Variants in STS observed in about 807,000 individuals in gnomAD.
STS encodes the protein steroid sulfatase, also known as steryl-sulfatase.
Under a neutral mutation model 26.8 loss-of-function variants are expected in STS, and 7 were observed. The observed-to-expected ratio is 0.26, with a 90% CI of 0.15 to 0.49. The LOEUF is 0.49. Among genes scored for constraint, STS ranks in the 20% least tolerant of loss-of-function variants. STS has a pLI of 0.98. For synonymous variants in STS, 199 were observed against 189.4 expected, an observed-to-expected ratio of 1.05 and a Z score of -0.42; for missense variants, 434 against 465.6, an observed-to-expected ratio of 0.93 and a Z score of 0.63.
At position 7,257,525 on chromosome X, in the gene STS, C is replaced by G; in HGVS notation, c.319C>G (p.Pro107Ala). The change falls in exon 5 of 11, where the codon CCC becomes GCC. Residue 107 changes from proline (P) to alanine (A), a missense_variant. Physicochemically the swap from Pro to Ala is conservative, Grantham distance 27. Transcript: ENST00000674429. ...FLFTASSGGL[P>A]TDEITFAKLL... is the part of the protein sequence containing the mutation. ...CTTCACAGCCTCTTCGGGAGGACTT[C>G]CCACCGATGAGATTACCTTTGCTAA... is the stretch of plus-strand genomic sequence containing the variant. 1.7e-6 allele frequency: 2 copies of G among 1,211,658 alleles called. No individual in the cohort carries two copies. The highest frequency in any genetic ancestry group is 2.2e-6 in the Non-Finnish European group (2 of 895,331).
intron 7 of STS, among the ~76,000 whole-genome samples, chrX:7,291,020 C>A (rs1265578777): frequency 9.0e-6 from 1 of 111,639 alleles, no homozygotes; most frequent in Non-Finnish European, 1.9e-5. Context: ...ATGGCCATAG[C>A]TCTCTTAGGG....
intron 1 of STS, among the ~76,000 whole-genome samples, chrX:7,161,643 C>CT (rs1214340949): frequency 8.9e-6 from 1 of 112,183 alleles, no homozygotes; most frequent in African/African-American, 3.2e-5. Context: ...TACTTTACTT[C>CT]TTATCAGAGT....
At chrX:7,343,773 C>T (rs752862406) in intron 10 of STS, among the ~76,000 whole-genome samples, 9 of 112,098 alleles carry the variant, frequency 8.0e-5, no homozygotes, top group Middle Eastern at 4.7e-3. Context: ...CCGCCCCTCC[C>T]GGGACTCCTC....
At chrX:7,279,678 G>GA (rs1172347531) in intron 7 of STS, among the ~76,000 whole-genome samples, 2 of 109,251 alleles carry the variant, frequency 1.8e-5, no homozygotes, top group African/African-American at 6.7e-5. Flanking sequence ...GAGGGGAAGG[G>GA]AAAAAAATGT....
chrX:7,241,178 A>G (rs1922602071), intron 2 of STS, among the ~76,000 whole-genome samples: 1 of 111,825 alleles, frequency 8.9e-6, no homozygotes, highest in Non-Finnish European at 1.9e-5. Context: ...AGAGAAACAC[A>G]CATATTACCT....
chrX:7,208,122 G>C (rs758379029), intron 2 of STS, among the ~76,000 whole-genome samples: 7 of 112,564 alleles, frequency 6.2e-5, no homozygotes, highest in Non-Finnish European at 1.3e-4. Context: ...ATTTGCCGTG[G>C]TATTTGAAAT....
intron 10 of STS, among the ~76,000 whole-genome samples, chrX:7,345,851 A>T (rs1245289655): frequency 8.9e-6 from 1 of 112,350 alleles, no homozygotes; most frequent in Non-Finnish European, 1.9e-5. Flanking sequence ...ATTTTAAAAA[A>T]TATTTTAGTA....
At chrX:7,305,232 G>C in intron 8 of STS, 49 bp downstream of exon 8, 3 of 1,201,440 alleles carry the variant, frequency 2.5e-6, no homozygotes, top group Non-Finnish European at 3.4e-6. Flanking sequence ...CTCATCCGCT[G>C]GTCACTTTTT....
At chrX:7,325,108 G>C (rs1927349950) in intron 8 of STS, among the ~76,000 whole-genome samples, 1 of 111,721 alleles carries the variant, frequency 9.0e-6, no homozygotes, top group Non-Finnish European at 1.9e-5. Flanking sequence ...CAAAGTTTTT[G>C]TTCAAGATGC....
chrX:7,202,788 A>G (rs1036805383), intron 2 of STS, among the ~76,000 whole-genome samples: 4 of 111,267 alleles, frequency 3.6e-5, no homozygotes, highest in Non-Finnish European at 7.5e-5. Context: ...AAGATCCACC[A>G]TCAATGTGGA....
intron 1 of STS, 158 bp downstream of exon 1, chrX:7,148,241 C>T (rs1482325785): frequency 1.5e-5 from 5 of 340,098 alleles, no homozygotes; most frequent in Non-Finnish European, 2.5e-5. Context: ...TCCGCGGCCC[C>T]TCGCCCGGCT....
intron 1 of STS, among the ~76,000 whole-genome samples, chrX:7,170,107 A>G (rs970407025): frequency 5.4e-5 from 6 of 111,974 alleles, no homozygotes; most frequent in Non-Finnish European, 7.5e-5. Flanking sequence ...ATCACAGATT[A>G]TAGGGTCTTG....
At chrX:7,246,839 G>A (rs952511241) in intron 2 of STS, among the ~76,000 whole-genome samples, 3 of 112,833 alleles carry the variant, frequency 2.7e-5, no homozygotes, top group Admixed American at 9.3e-5. Context: ...GAGATAAGGG[G>A]TAGTTTTATT....
intron 6 of STS, among the ~76,000 whole-genome samples, chrX:7,262,253 G>C (rs1923783989): frequency 8.9e-6 from 1 of 112,211 alleles, no homozygotes; most frequent in Admixed American, 9.4e-5. Context: ...GGGAAGCTTT[G>C]CTCCATGAGG....
At position 7,325,399 on chromosome X, in the gene STS, G is replaced by C. The variant is rs947313922; in HGVS notation, c.1142G>C (p.Arg381Thr). 7 of 1,209,356 alleles carry C rather than the reference G, an allele frequency of 5.8e-6. No individual in the cohort carries two copies. Among genetic ancestry groups the C allele is most frequent in the South Asian group, 3.5e-5 (2 of 56,755 alleles). Reference protein sequence around the residue: ...IRVPGILRWPRVIQAGQKIDE... With the variant: ...IRVPGILRWPTVIQAGQKIDE... ...GTTCCAGGCATCCTTCGTTGGCCCAGGGTGATACAGGCTGGCCAGAAGATT... is the reference window on the plus strand; with the variant it reads ...GTTCCAGGCATCCTTCGTTGGCCCACGGTGATACAGGCTGGCCAGAAGATT... Residue 381 changes from arginine to threonine, a missense_variant, in exon 9 of 11, where the codon AGG (arginine) becomes ACG (threonine). Physicochemically the swap from Arg to Thr is moderately conservative, Grantham distance 71. Transcript: ENST00000674429.
intron 2 of STS, among the ~76,000 whole-genome samples, chrX:7,209,608 ATTTTAT>A (rs1190171169): frequency 2.7e-4 from 29 of 107,194 alleles, no homozygotes; most frequent in African/African-American, 4.7e-4. Flanking sequence ...TATTTTATAT[ATTTTAT>A]TTTTATTTTT....
At chrX:7,187,284 A>G (rs762274572) in intron 1 of STS, among the ~76,000 whole-genome samples, 6 of 112,080 alleles carry the variant, frequency 5.4e-5, no homozygotes, top group Admixed American at 2.8e-4. Context: ...AATTCCTTCA[A>G]TCAATCTCTA....
intron 9 of STS, among the ~76,000 whole-genome samples, chrX:7,330,676 A>T (rs1388047036): frequency 1.8e-5 from 2 of 112,201 alleles, no homozygotes; most frequent in Non-Finnish European, 3.8e-5. Flanking sequence ...AGTGATACAG[A>T]TGAAAAAGTC....
chrX:7,324,850 G>T (rs1476516750), intron 8 of STS, among the ~76,000 whole-genome samples: 3 of 111,724 alleles, frequency 2.7e-5, no homozygotes, highest in South Asian at 7.6e-4. Context: ...CTCAGACAAT[G>T]CAGGGTAATC....
Sources: allele counts gnomAD v4.1 joint callset (sites outside exome capture counted in the v4.1 genomes callset), GRCh38; gene constraint gnomAD v4.1.1; transcripts MANE v1.5; gene names NCBI Gene and HGNC (gene_info 2026-07-23, HGNC 2026-07-21).